Variants in MSI2 observed in about 807,000 individuals in gnomAD.
MSI2 encodes RNA-binding protein Musashi homolog 2.
A neutral mutation model predicts 45.6 loss-of-function variants in MSI2; 17 were observed. The observed-to-expected ratio is 0.37, with a 90% confidence interval of 0.26 to 0.56. MSI2 has a LOEUF of 0.56. Ranked by LOEUF, MSI2 falls within the 20% of genes least tolerant of loss-of-function variation. The pLI, the probability that MSI2 is intolerant of heterozygous loss-of-function variation, is 0.77. For missense variants in MSI2, 293 were observed against 444.2 expected (o/e 0.66, Z 3.06); for synonymous variants, 156 against 158.2 (o/e 0.99, Z 0.11).
chr17:57,538,397 T>C (rs74797358), intron 7 of MSI2, among the ~76,000 whole-genome samples: 4,069 of 152,302 alleles, frequency 0.027, 175 homozygotes, highest in African/African-American at 0.094. Context: ...TATATCAGCA[T>C]GGTATGCTGC....
chr17:57,369,318 G>T (rs1384738251), intron 5 of MSI2, among the ~76,000 whole-genome samples: 1 of 152,190 alleles, frequency 6.6e-6, no homozygotes, highest in African/African-American at 2.4e-5. Context: ...AGTGGGGAAA[G>T]GGGCAAGAAT....
intron 5 of MSI2, among the ~76,000 whole-genome samples, chr17:57,391,271 AC>A (rs1232621758): frequency 1.3e-5 from 2 of 151,906 alleles, no homozygotes; most frequent in Non-Finnish European, 2.9e-5. Context: ...AGGAGACAGA[AC>A]CCTTGTGTGG....
At chr17:57,583,484 G>GTTTTTTTT (rs2088258122) in intron 7 of MSI2, among the ~76,000 whole-genome samples, 1 of 83,218 alleles carries the variant, frequency 1.2e-5, no homozygotes, top group African/African-American at 5.0e-5. Flanking sequence ...TTCTCCCAAT[G>GTTTTTTTT]TTTCTTTTTT....
intron 6 of MSI2, among the ~76,000 whole-genome samples, chr17:57,512,401 G>A (rs529410894): frequency 6.6e-6 from 1 of 152,282 alleles, no homozygotes; most frequent in South Asian, 2.1e-4. Flanking sequence ...GCATTAAGTG[G>A]GCTTAGGGTA....
intron 5 of MSI2, among the ~76,000 whole-genome samples, chr17:57,335,652 T>G (rs1232245656): frequency 6.6e-6 from 1 of 152,204 alleles, no homozygotes; most frequent in African/African-American, 2.4e-5. Flanking sequence ...AATGCTGAGA[T>G]GTGTGTATAG....
intron 5 of MSI2, among the ~76,000 whole-genome samples, chr17:57,359,943 A>G (rs1209516960): frequency 6.6e-6 from 1 of 152,204 alleles, no homozygotes; most frequent in Non-Finnish European, 1.5e-5. Flanking sequence ...AACTCTTCAC[A>G]GGCAACTCAG....
chr17:57,393,418 G>A (rs182793718), intron 5 of MSI2, among the ~76,000 whole-genome samples: 48 of 152,238 alleles, frequency 3.2e-4, no homozygotes, highest in South Asian at 1.2e-3. Flanking sequence ...TTGGCATAAC[G>A]CTTTCAAGGT....
intron 7 of MSI2, among the ~76,000 whole-genome samples, chr17:57,586,415 A>G (rs370789854): frequency 1.6e-4 from 24 of 151,546 alleles, no homozygotes; most frequent in African/African-American, 5.8e-4. Flanking sequence ...TCTTTTTAGG[A>G]TGCCCCCACC....
chr17:57,523,164 C>G (rs1567876049), intron 6 of MSI2, among the ~76,000 whole-genome samples: 1 of 152,038 alleles, frequency 6.6e-6, no homozygotes, highest in Non-Finnish European at 1.5e-5. Flanking sequence ...TCTCCTGCCT[C>G]AGCCTCCCGC....
At chr17:57,506,244 G>T (rs999642945) in intron 6 of MSI2, among the ~76,000 whole-genome samples, 1 of 152,182 alleles carries the variant, frequency 6.6e-6, no homozygotes, top group Non-Finnish European at 1.5e-5. Flanking sequence ...TTTGAAAGGC[G>T]TGGGCTCATC....
At chr17:57,483,014 C>T (rs539808707) in intron 6 of MSI2, among the ~76,000 whole-genome samples, 2 of 152,268 alleles carry the variant, frequency 1.3e-5, no homozygotes, top group South Asian at 4.2e-4. Context: ...TCTGAAAGAC[C>T]AACAACAATA....
intron 6 of MSI2, among the ~76,000 whole-genome samples, chr17:57,453,801 C>T (rs980334465): frequency 2.6e-5 from 4 of 152,186 alleles, no homozygotes; most frequent in Admixed American, 2.6e-4. Flanking sequence ...TTCTCAACAC[C>T]ATCCTCAGGA....
chr17:57,574,796 T>A (rs2087972344), intron 7 of MSI2, among the ~76,000 whole-genome samples: 1 of 151,768 alleles, frequency 6.6e-6, no homozygotes, highest in Non-Finnish European at 1.5e-5. Flanking sequence ...CTGCCAGCCT[T>A]CAAAGACACA....
chr17:57,340,011 G>A (rs772421940), intron 5 of MSI2, among the ~76,000 whole-genome samples: 33 of 152,288 alleles, frequency 2.2e-4, no homozygotes, highest in Admixed American at 3.3e-4. Context: ...CAGAGGTGTT[G>A]GAATTCAGCC....
intron 8 of MSI2, among the ~76,000 whole-genome samples, chr17:57,605,878 C>T (rs1906516538): frequency 6.6e-6 from 1 of 152,246 alleles, no homozygotes; most frequent in Non-Finnish European, 1.5e-5. Flanking sequence ...CCCACCGTGC[C>T]CTGGGGTAAG....
At chr17:57,465,761 T>G (rs2085318872) in intron 6 of MSI2, among the ~76,000 whole-genome samples, 1 of 152,114 alleles carries the variant, frequency 6.6e-6, no homozygotes, top group African/African-American at 2.4e-5. Flanking sequence ...CCCACCTTGG[T>G]GGGATTGGAA....
intron 5 of MSI2, among the ~76,000 whole-genome samples, chr17:57,322,699 T>G (rs1032606185): frequency 2.0e-5 from 3 of 152,176 alleles, no homozygotes; most frequent in Non-Finnish European, 2.9e-5. Flanking sequence ...TCTTGGCTAC[T>G]AAGGGACAAG....
chr17:57,497,762 C>T (rs942607294), intron 6 of MSI2, among the ~76,000 whole-genome samples: 1 of 152,180 alleles, frequency 6.6e-6, no homozygotes, highest in Non-Finnish European at 1.5e-5. Flanking sequence ...TAACAAGTCA[C>T]CAGGTGTGAC....
At chr17:57,569,018 A>G (rs1267030861) in intron 7 of MSI2, among the ~76,000 whole-genome samples, 1 of 151,698 alleles carries the variant, frequency 6.6e-6, no homozygotes, top group African/African-American at 2.4e-5. Flanking sequence ...AATTTTTTTG[A>G]CTGTGTCTGG....
Sources: gnomAD v4.1 joint callset for allele counts (sites outside exome capture counted in the v4.1 genomes callset) on GRCh38, gnomAD v4.1.1 for gene constraint, MANE v1.5 for transcripts, NCBI Gene and HGNC (gene_info 2026-07-23, HGNC 2026-07-21) for gene names.